C12orf57: variants seen among roughly 807,000 people sequenced by gnomAD.
C12orf57 encodes chromosome 12 open reading frame 57, also known as protein C10.
C12orf57 carries 14 observed loss-of-function variants against 11.3 expected under a neutral mutation model. The observed-to-expected ratio is 1.24, with a 90% CI of 0.82 to 1.94. The LOEUF is 1.94. C12orf57 is among the 30% of genes most tolerant of loss of function. The pLI, the probability that C12orf57 is intolerant of heterozygous loss-of-function variation, is 0.00. For missense variants in C12orf57, 229 were observed against 172.4 expected, an observed-to-expected ratio of 1.33 and a Z score of -1.84; for synonymous variants, 100 against 74.6, an observed-to-expected ratio of 1.34 and a Z score of -1.76.
Position 6,945,789 on chromosome 12 carries a change from G to T in C12orf57, c.248G>T (p.Arg83Leu), listed in dbSNP as rs781955379. The T allele has an allele frequency of 4.3e-6, 7 of 1,613,656 alleles. No homozygotes were observed. In the African/African-American group the frequency reaches 8.0e-5, roughly 18 times the overall value. The change falls in exon 3 of 3, where the codon CGC (arginine) becomes CTC (leucine). Residue 83 changes from arginine to leucine, a missense_variant. Physicochemically the swap from Arg to Leu is moderately radical, Grantham distance 102. Transcript: ENST00000229281. ...CTTGCAGGTGTCCTTAAGTTTGCTC[G>T]CTTGGTCAAGTCCTACGAAGCCCAG... ...CDGEGVLKFA[R>L]LVKSYEAQDP...
chr12:6,943,559 C>A, upstream of C12orf57: 1 of 1,289,374 alleles, frequency 7.8e-7, no homozygotes, highest in Non-Finnish European at 1.0e-6. Flanking sequence ...GGCTTAACAA[C>A]AACGAAGGGG....
rs782251664 is a variant in C12orf57, at chr12:6,944,833, G to C, written c.229+181G>C. 4.3e-5 allele frequency: 62 copies of C among 1,446,918 alleles called. No homozygotes were observed. In the African/African-American group the frequency reaches 8.1e-4, roughly 19 times the overall value. The allele number at this position is 1,446,918 out of a possible 1,614,324, so 89.6% of individuals were successfully genotyped here. A position where few individuals can be genotyped will look rare whatever the true frequency, so the allele number is the denominator to read the frequency against. On this transcript the variant is annotated intron_variant, in intron 2 of 2. Transcript: ENST00000229281. ...GTCTACCCTGAGCTTGTGCGTCCGAGTTGCGTTTTGTACAGTAGAGGTTCT... is the reference window on the plus strand; with the variant it reads ...GTCTACCCTGAGCTTGTGCGTCCGACTTGCGTTTTGTACAGTAGAGGTTCT...
intron 2 of C12orf57, 68 bp downstream of exon 2, chr12:6,944,720 A>C (rs1945753302): frequency 1.3e-6 from 2 of 1,596,542 alleles, no homozygotes; most frequent in African/African-American, 2.7e-5. Context: ...AGGGCGCCGG[A>C]TCTGTGGGCC....
chr12:6,944,202 C>A lies in C12orf57; in HGVS notation c.52+29C>A, dbSNP rs782226104. 2.6e-6 allele frequency: 4 copies of A among 1,565,848 alleles called. No individual in the cohort carries two copies. The African/African-American group carries it at 4.0e-5, about 16-fold the overall frequency. ...AGAATCGTCCTAGTCAAGGCATAGG[C>A]TGCTGGCCTGGGGTAGTCAAGGCAT... On this transcript the variant is annotated intron_variant, in intron 1 of 2. Transcript: ENST00000229281.
At chr12:6,943,767 A>G, upstream of C12orf57, 1 of 1,063,150 alleles carries the variant, frequency 9.4e-7, no homozygotes, top group Non-Finnish European at 1.2e-6. Context: ...CACCCTCATC[A>G]ATTGTGGAGT....
In C12orf57 at chr12:6,944,152, T is replaced by G. The variant is rs781983331; in HGVS notation, c.31T>G (p.Leu11Val). MASASTQPAA[L>V]SAEQAKVVLA... ...GTCCGCCTCGACCCAACCGGCGGCC[T>G]TGAGCGCTGAGCAAGCAAAGGGTGA... The change falls in exon 1 of 3, where the codon TTG becomes GTG. Residue 11 changes from leucine to valine, a missense_variant. Transcript: ENST00000229281. 1 of 1,614,238 alleles carries G rather than the reference T, an allele frequency of 6.2e-7. No individual in the cohort carries two copies. The highest frequency in any genetic ancestry group is 8.5e-7 in the Non-Finnish European group (1 of 1,180,030).
At position 6,944,051 on chromosome 12, in the gene C12orf57, G is replaced by A. The variant is rs1465247502; in HGVS notation, c.-71G>A. On this transcript the variant is annotated 5_prime_UTR_variant, in exon 1 of 3. Coordinates refer to ENST00000229281, the MANE Select transcript of C12orf57 (RefSeq NM_138425.4). Reference sequence around the variant, plus strand: ...TCCGCTCCCAGGGGCGTTGGGAACGGTTGTAGGACGTGGCTCTTTATTCGT... The same window carrying A: ...TCCGCTCCCAGGGGCGTTGGGAACGATTGTAGGACGTGGCTCTTTATTCGT... The A allele has an allele frequency of 1.2e-6, 2 of 1,612,370 alleles. No individual in the cohort carries two copies. The highest frequency in any genetic ancestry group is 1.3e-5 in the African/African-American group (1 of 74,936).
chr12:6,943,992 G>A (rs750239864), upstream of C12orf57: 30 of 1,588,530 alleles, frequency 1.9e-5, no homozygotes, highest in East Asian at 4.5e-5. Context: ...GGCCACGCCT[G>A]GGCGCTTCCG....
At chr12:6,945,500 C>A (rs782015449) in intron 2 of C12orf57, among the ~76,000 whole-genome samples, 2 of 152,136 alleles carry the variant, frequency 1.3e-5, no homozygotes, top group Non-Finnish European at 2.9e-5. Context: ...TCTTGGGGTT[C>A]CAGTGACTAA....
chr12:6,943,874 C>G (rs187552855), upstream of C12orf57: 26 of 967,290 alleles, frequency 2.7e-5, no homozygotes, highest in South Asian at 3.4e-5. Flanking sequence ...TACCGGAAAG[C>G]CCCTCTTATG....
chr12:6,944,742 G>A, intron 2 of C12orf57, 90 bp downstream of exon 2: 1 of 1,580,442 alleles, frequency 6.3e-7, no homozygotes, highest in Non-Finnish European at 8.6e-7. Context: ...ATGAGCGGTT[G>A]TCCCCTTTCT....
At chr12:6,944,359 A>T (rs1425981562) in intron 1 of C12orf57, 117 bp from the exon 2 acceptor site, 4 of 1,553,402 alleles carry the variant, frequency 2.6e-6, no homozygotes, top group Non-Finnish European at 3.5e-6. Context: ...AAGACTTGGG[A>T]TCTTATTGGG....
chr12:6,943,827 C>T (rs782652720), upstream of C12orf57: 254 of 863,248 alleles, frequency 2.9e-4, no homozygotes, highest in Middle Eastern at 3.9e-4. Flanking sequence ...AGTGTTACAG[C>T]TCTTTTAGAA....
intron 1 of C12orf57, 112 bp from the exon 2 acceptor site, chr12:6,944,364 A>T (rs1025014840): frequency 5.1e-5 from 79 of 1,553,544 alleles, no homozygotes; most frequent in Non-Finnish European, 6.8e-5. Context: ...TTGGGATCTT[A>T]TTGGGTTACC....
chr12:6,943,448 G>C, upstream of C12orf57: 3 of 1,170,832 alleles, frequency 2.6e-6, no homozygotes, highest in Non-Finnish European at 3.3e-6. Flanking sequence ...AGGGAAATCG[G>C]GCCGGGCATT....
At chr12:6,943,975 A>T (rs1215837119), upstream of C12orf57, 1 of 1,565,326 alleles carries the variant, frequency 6.4e-7, no homozygotes, top group Admixed American at 2.0e-5. Context: ...TGGGGTATGA[A>T]GGTTTGGGCC....
At chr12:6,943,628 C>T (rs1555145336), upstream of C12orf57, 1 of 1,289,436 alleles carries the variant, frequency 7.8e-7, no homozygotes, top group South Asian at 1.2e-5. Flanking sequence ...GGGCTGAGAA[C>T]AAATGTTCGC....
At chr12:6,943,851 C>G (rs116861153), upstream of C12orf57, 36 of 900,766 alleles carry the variant, frequency 4.0e-5, no homozygotes, top group South Asian at 1.1e-4. Context: ...GTCTAGTAGG[C>G]TTTCTGGCTT....
Position 6,944,029 on chromosome 12 carries a change from G to C in C12orf57, c.-93G>C, listed in dbSNP as rs1437434039. 3.1e-6 allele frequency: 5 copies of C among 1,607,204 alleles called. No individual in the cohort carries two copies. Among genetic ancestry groups the C allele is most frequent in the Non-Finnish European group, 4.2e-6 (5 of 1,178,860 alleles). On this transcript the variant is annotated 5_prime_UTR_variant, in exon 1 of 3. Transcript: ENST00000229281. ...CTGCGCCGGATGCTGTTTCCTTTCC[G>C]CTCCCAGGGGCGTTGGGAACGGTTG...
Sources: gnomAD v4.1 joint callset for allele counts (sites outside exome capture counted in the v4.1 genomes callset) on GRCh38, gnomAD v4.1.1 for gene constraint, MANE v1.5 for transcripts, NCBI Gene and HGNC (gene_info 2026-07-23, HGNC 2026-07-21) for gene names.